The following ARSG variants were observed in gnomAD, a reference collection of about 807,000 sequenced individuals.
ARSG encodes the protein arylsulfatase G.
ARSG carries 37 observed loss-of-function variants against 50.5 expected under a neutral mutation model. The observed-to-expected ratio is 0.73, with a 90% CI of 0.56 to 0.96. The LOEUF is 0.96. ARSG is among the 50% of genes least tolerant of loss of function. The probability of loss-of-function intolerance (pLI) is 0.00; values close to 1 mark genes in which losing one functional copy is unlikely to be tolerated. For missense variants in ARSG, 629 were observed against 675.3 expected (o/e 0.93, Z 0.76); for synonymous variants, 225 against 254.6 (o/e 0.88, Z 1.11).
intron 2 of ARSG, among the ~76,000 whole-genome samples, chr17:68,319,080 T>C (rs1162758367): frequency 6.6e-6 from 1 of 152,214 alleles, no homozygotes; most frequent in Non-Finnish European, 1.5e-5. Context: ...GAGGTCTTGA[T>C]ATCTGGTGGA....
At chr17:68,435,365 T>C in the ARSG span, among the ~76,000 whole-genome samples, 1 of 152,234 alleles carries the variant, frequency 6.6e-6, no homozygotes, top group Non-Finnish European at 1.5e-5. Flanking sequence ...ACACGTACAT[T>C]TCTTCATAAG....
At chr17:68,298,456 A>G (rs782366173) in intron 1 of ARSG, among the ~76,000 whole-genome samples, 1 of 151,964 alleles carries the variant, frequency 6.6e-6, no homozygotes, top group Non-Finnish European at 1.5e-5. Context: ...TTAGCTGGGC[A>G]TGGTGGTGTG....
chr17:68,314,342 C>A lies in ARSG; in HGVS notation c.218+6631C>A, dbSNP rs375224014. Among the ~76,000 whole-genome samples the A allele has an allele frequency of 3.3e-5, 5 of 151,898 alleles. No homozygotes were observed. The East Asian group carries it at 9.7e-4, about 30-fold the overall frequency. On this transcript the variant is annotated intron_variant, in intron 2 of 11. Coordinates refer to ENST00000621439, the MANE Select transcript of ARSG (RefSeq NM_001267727.2). Reference sequence around the variant, plus strand: ...AGGAGTTTGAGACCAGCCTGACCAACAAGAAGAAACCCCATCTCTACTAAA... The same window carrying A: ...AGGAGTTTGAGACCAGCCTGACCAAAAAGAAGAAACCCCATCTCTACTAAA...
Position 68,350,733 on chromosome 17 carries a change from C to T in ARSG, c.455-842C>T, listed in dbSNP as rs545575854. On this transcript the variant is annotated intron_variant, in intron 4 of 11. Coordinates refer to ENST00000621439, the MANE Select transcript of ARSG (RefSeq NM_001267727.2). ...CTGGGAGGCGGAGCTTGCATTGAGCCGAGATTTCCCCACTGCACTCCAGCC... is the reference window on the plus strand; with the variant it reads ...CTGGGAGGCGGAGCTTGCATTGAGCTGAGATTTCCCCACTGCACTCCAGCC... Among the ~76,000 whole-genome samples the T allele has an allele frequency of 4.6e-5, 7 of 152,080 alleles. No homozygotes were observed. In the East Asian group the frequency reaches 7.7e-4, roughly 17 times the overall value.
At chr17:68,428,338 C>T in the ARSG span, 1 of 158,828 alleles carries the variant, frequency 6.3e-6, no homozygotes, top group African/African-American at 2.4e-5. Context: ...AGGTGATTCT[C>T]CCACCTCAGC....
At chr17:68,356,618 C>A in intron 5 of ARSG, 49 bp from the exon 6 acceptor site, 1 of 1,607,714 alleles carries the variant, frequency 6.2e-7, no homozygotes, top group Non-Finnish European at 8.5e-7. Flanking sequence ...AGTTCTGCTC[C>A]GTGAGTACGT....
intron 2 of ARSG, among the ~76,000 whole-genome samples, chr17:68,330,008 G>T (rs1435515806): frequency 6.6e-6 from 1 of 152,032 alleles, no homozygotes; most frequent in Non-Finnish European, 1.5e-5. Context: ...TTGGGGGTTC[G>T]AGACCAGCCT....
intron 5 of ARSG, among the ~76,000 whole-genome samples, chr17:68,355,944 T>A (rs541536407): frequency 6.6e-6 from 1 of 151,814 alleles, no homozygotes; most frequent in East Asian, 2.0e-4. Context: ...TGCAGTGGGA[T>A]GATCTCAGTT....
chr17:68,447,937 G>A, the ARSG span, among the ~76,000 whole-genome samples: 4 of 142,724 alleles, frequency 2.8e-5, no homozygotes, highest in Admixed American at 2.2e-4. Context: ...AGGTTGTGGT[G>A]AGCTGAGACT....
rs372480166 is a variant in ARSG, at chr17:68,357,211, A to C, written c.704+407A>C. Among the ~76,000 whole-genome samples, 7 of 152,288 alleles carry C rather than the reference A, an allele frequency of 4.6e-5. No individual in the cohort carries two copies. The East Asian group carries it at 7.7e-4, about 17-fold the overall frequency. The stretch of plus-strand genomic sequence containing the variant: ...TCCATTGCTGCTGTAACAACCAACC[A>C]CTAATTTAGTAGCTAAAACAACAGT... On this transcript the variant is annotated intron_variant, in intron 6 of 11. Coordinates refer to ENST00000621439, the MANE Select transcript of ARSG (RefSeq NM_001267727.2).
At chr17:68,284,320 G>T (rs1555753771) in intron 1 of ARSG, among the ~76,000 whole-genome samples, 1 of 152,056 alleles carries the variant, frequency 6.6e-6, no homozygotes, top group East Asian at 1.9e-4. Context: ...CTTGAACCCG[G>T]GAGGCAGAGG....
chr17:68,263,407 A>T (rs114713690), intron 1 of ARSG, among the ~76,000 whole-genome samples: 2,324 of 152,324 alleles, frequency 0.015, 64 homozygotes, highest in African/African-American at 0.054. Flanking sequence ...TATAGCAGTG[A>T]TCATTTTTGC....
chr17:68,299,368 G>T (rs1207052668), intron 1 of ARSG, among the ~76,000 whole-genome samples: 2 of 152,036 alleles, frequency 1.3e-5, no homozygotes, highest in Non-Finnish European at 2.9e-5. Flanking sequence ...GCCTCCCAAA[G>T]TGCTGGGATT....
intron 1 of ARSG, chr17:68,269,006 G>C: frequency 1.3e-6 from 2 of 1,566,916 alleles, no homozygotes; most frequent in Non-Finnish European, 1.7e-6. Context: ...GTGGAGTAGA[G>C]GGGTTAGCTC....
At chr17:68,273,272 G>C (rs1244614681) in intron 1 of ARSG, among the ~76,000 whole-genome samples, 1 of 151,550 alleles carries the variant, frequency 6.6e-6, no homozygotes, top group Non-Finnish European at 1.5e-5. Context: ...GCAGTGGTGT[G>C]ATCACAGCTC....
chr17:68,343,573 T>C (rs1464793954), intron 2 of ARSG, 31 bp from the exon 3 acceptor site: 1 of 1,562,394 alleles, frequency 6.4e-7, no homozygotes, highest in Admixed American at 1.9e-5. Context: ...CTGTGGTTGG[T>C]GCGGTCCTGA....
chr17:68,434,314 C>A, the ARSG span, among the ~76,000 whole-genome samples: 2 of 152,140 alleles, frequency 1.3e-5, no homozygotes, highest in African/African-American at 4.8e-5. Context: ...CTGTGCCGGC[C>A]GCCCACACAC....
At chr17:68,389,074 T>C (rs2080870347) in intron 9 of ARSG, among the ~76,000 whole-genome samples, 1 of 152,134 alleles carries the variant, frequency 6.6e-6, no homozygotes, top group Non-Finnish European at 1.5e-5. Context: ...GCACCGGTCT[T>C]GGAAGTAAAA....
the ARSG span, chr17:68,430,052 A>G: frequency 6.2e-7 from 1 of 1,614,146 alleles, no homozygotes; most frequent in Non-Finnish European, 8.5e-7. Flanking sequence ...CAGTGGCAAA[A>G]GCCCTGTCCT....
Sources: allele counts gnomAD v4.1 joint callset (sites outside exome capture counted in the v4.1 genomes callset), GRCh38; gene constraint gnomAD v4.1.1; transcripts MANE v1.5; gene names NCBI Gene and HGNC (gene_info 2026-07-23, HGNC 2026-07-21).